The following UBAP2 variants were observed in gnomAD, a reference collection of about 807,000 sequenced individuals.
The protein encoded by UBAP2 is ubiquitin associated protein 2.
Under a neutral mutation model 139.6 loss-of-function variants are expected in UBAP2, and 75 were observed. That is an observed-to-expected ratio of 0.54 (90% confidence interval 0.45 to 0.65). The LOEUF is 0.65. UBAP2 is among the 30% of genes least tolerant of loss of function. The probability of loss-of-function intolerance (pLI) is 0.00; values close to 1 mark genes in which losing one functional copy is unlikely to be tolerated. For synonymous variants in UBAP2, 526 were observed against 526.2 expected, an observed-to-expected ratio of 1.00 and a Z score of 0.01; for missense variants, 1,368 against 1,369.6, an observed-to-expected ratio of 1.00 and a Z score of 0.02.
chr9:33,982,477 A>G (rs1253824452), intron 6 of UBAP2, among the ~76,000 whole-genome samples: 1 of 152,210 alleles, frequency 6.6e-6, no homozygotes, highest in South Asian at 2.1e-4. Context: ...ATATAAAGCG[A>G]ACGTAATAGA....
intron 1 of UBAP2, among the ~76,000 whole-genome samples, chr9:34,036,804 CTCTT>C (rs1229107980): frequency 5.9e-4 from 82 of 137,878 alleles, no homozygotes; most frequent in East Asian, 1.6e-3. Context: ...TTAAGTTTTT[CTCTT>C]TTTTTTTTTT....
intron 2 of UBAP2, among the ~76,000 whole-genome samples, chr9:34,012,260 G>A (rs757137932): frequency 2.0e-5 from 3 of 152,216 alleles, no homozygotes; most frequent in Non-Finnish European, 4.4e-5. Flanking sequence ...GCTGGGCCCA[G>A]TGGCTCATGC....
chr9:34,025,992 A>C (rs1279084884), intron 1 of UBAP2, among the ~76,000 whole-genome samples: 1 of 152,250 alleles, frequency 6.6e-6, no homozygotes, highest in Non-Finnish European at 1.5e-5. Context: ...CTTAACAACC[A>C]CCAACATTTC....
intron 19 of UBAP2, 29 bp downstream of exon 19, chr9:33,932,533 G>A: frequency 1.2e-6 from 2 of 1,612,970 alleles, no homozygotes; most frequent in South Asian, 1.1e-5. Context: ...AAGCATGGCG[G>A]AGGAAGAGGA....
At chr9:33,983,256 T>G (rs776261315) in intron 6 of UBAP2, among the ~76,000 whole-genome samples, 1 of 152,148 alleles carries the variant, frequency 6.6e-6, no homozygotes, top group African/African-American at 2.4e-5. Flanking sequence ...AACATGTCTC[T>G]AAACAACCAA....
At chr9:33,940,122 A>G (rs992889531) in intron 16 of UBAP2, among the ~76,000 whole-genome samples, 2 of 152,056 alleles carry the variant, frequency 1.3e-5, no homozygotes, top group Admixed American at 1.3e-4. Flanking sequence ...CGACGACAAG[A>G]TTCCTTAATT....
intron 9 of UBAP2, among the ~76,000 whole-genome samples, chr9:33,962,719 G>A (rs1238362730): frequency 6.6e-6 from 1 of 151,606 alleles, no homozygotes; most frequent in African/African-American, 2.4e-5. Flanking sequence ...GCTCATGCCT[G>A]TAATTGCAGC....
chr9:33,948,850 T>G, intron 12 of UBAP2: 1 of 390,168 alleles, frequency 2.6e-6, no homozygotes. Flanking sequence ...AGAAATCAAT[T>G]TTTAAAAACG....
chr9:33,946,558 G>A (rs1587541733), intron 13 of UBAP2, among the ~76,000 whole-genome samples: 1 of 152,124 alleles, frequency 6.6e-6, no homozygotes, highest in East Asian at 1.9e-4. Flanking sequence ...GGGCCAGATA[G>A]TACAACAACC....
chr9:33,960,328 C>T (rs962402011), intron 10 of UBAP2, among the ~76,000 whole-genome samples: 3 of 152,032 alleles, frequency 2.0e-5, no homozygotes, highest in Non-Finnish European at 4.4e-5. Flanking sequence ...TCTTAAAAAT[C>T]TGAAAATCTA....
chr9:33,993,583 A>G (rs969154947), intron 4 of UBAP2, among the ~76,000 whole-genome samples: 1 of 152,176 alleles, frequency 6.6e-6, no homozygotes, highest in Non-Finnish European at 1.5e-5. Context: ...GGAGGATGGC[A>G]TAAGCCCGGG....
At chr9:33,988,952 G>A (rs1460155095) in intron 5 of UBAP2, 21 bp downstream of exon 5, 1 of 1,591,670 alleles carries the variant, frequency 6.3e-7, no homozygotes, top group South Asian at 1.2e-5. Context: ...AGAAAAAACT[G>A]AGGAGAAAGT....
At chr9:34,035,514 A>AAAATATATATATATATATATATATATAT in intron 1 of UBAP2, among the ~76,000 whole-genome samples, 4 of 22,486 alleles carry the variant, frequency 1.8e-4, no homozygotes, top group Non-Finnish European at 2.0e-4. Context: ...AAAAAAAAAA[A>AAAATATATATATATATATATATATATAT]ATATATATAT....
intron 1 of UBAP2, among the ~76,000 whole-genome samples, chr9:34,023,979 G>GT (rs1000039260): frequency 1.3e-5 from 2 of 152,028 alleles, no homozygotes; most frequent in Non-Finnish European, 2.9e-5. Context: ...GGGAGGCGGA[G>GT]TCTGCAGGGA....
intron 1 of UBAP2, among the ~76,000 whole-genome samples, chr9:34,024,243 G>A (rs1184835696): frequency 6.6e-6 from 1 of 151,804 alleles, no homozygotes; most frequent in African/African-American, 2.4e-5. Context: ...TCAGGAGGCT[G>A]AGGCAGGAGA....
intron 16 of UBAP2, among the ~76,000 whole-genome samples, chr9:33,939,381 T>A (rs1230082736): frequency 6.6e-6 from 1 of 151,846 alleles, no homozygotes; most frequent in East Asian, 2.0e-4. Context: ...TGTATTTTAG[T>A]AGAGACAGGG....
At chr9:33,949,634 T>C (rs1235697197) in intron 12 of UBAP2, among the ~76,000 whole-genome samples, 1 of 152,014 alleles carries the variant, frequency 6.6e-6, no homozygotes, top group Non-Finnish European at 1.5e-5. Context: ...ACCCAGGAAG[T>C]GGAGGTTGCA....
chr9:33,930,159 A>T (rs1017491655), intron 19 of UBAP2, among the ~76,000 whole-genome samples: 11 of 152,200 alleles, frequency 7.2e-5, no homozygotes, highest in African/African-American at 2.7e-4. Flanking sequence ...AGGAAATACA[A>T]ATGTTTAATA....
rs561489341 is a variant in UBAP2, at chr9:33,960,540, T to C, written c.798+286A>G. Among the ~76,000 whole-genome samples the C allele has an allele frequency of 2.0e-5, 3 of 151,784 alleles. No homozygotes were observed. The South Asian group carries it at 6.3e-4, about 32-fold the overall frequency. On this transcript the variant is annotated intron_variant, in intron 10 of 28. Transcript: ENST00000379238. Reference sequence around the variant, plus strand: ...CCTATAATCCCAGCACTTTGGGAGGTTGAGGCGGGTGTATCACCTGAGGTC... The same window carrying C: ...CCTATAATCCCAGCACTTTGGGAGGCTGAGGCGGGTGTATCACCTGAGGTC...
Sources: gnomAD v4.1 joint callset for allele counts (sites outside exome capture counted in the v4.1 genomes callset) on GRCh38, gnomAD v4.1.1 for gene constraint, MANE v1.5 for transcripts, NCBI Gene and HGNC (gene_info 2026-07-23, HGNC 2026-07-21) for gene names.